The following CSF2RA variants were observed in gnomAD, a reference collection of about 807,000 sequenced individuals.
CSF2RA encodes the protein granulocyte-macrophage colony-stimulating factor receptor subunit alpha.
A neutral mutation model predicts 51.6 loss-of-function variants in CSF2RA; 42 were observed. The observed-to-expected ratio is 0.81, with a 90% confidence interval of 0.64 to 1.05. CSF2RA has a LOEUF of 1.05. Ranked by LOEUF, CSF2RA falls within the 50% of genes least tolerant of loss-of-function variation. The pLI, the probability that CSF2RA is intolerant of heterozygous loss-of-function variation, is 0.00. For synonymous variants in CSF2RA, 222 were observed against 193.0 expected, an observed-to-expected ratio of 1.15 and a Z score of -1.24; for missense variants, 530 against 501.1, an observed-to-expected ratio of 1.06 and a Z score of -0.55.
At chrX:1,319,714 G>GTTTTTTTTTTTTTTTTTTTT in the CSF2RA span, among the ~76,000 whole-genome samples, 1 of 121,316 alleles carries the variant, frequency 8.2e-6, no homozygotes. Flanking sequence ...CGCCTTTGCT[G>GTTTTTTTTTTTTTTTTTTTT]TTTTTTTTTT....
At chrX:1,294,165 G>A in intron 7 of CSF2RA, 163 bp from the exon 8 acceptor site, 2 of 847,576 alleles carry the variant, frequency 2.4e-6, no homozygotes, top group Non-Finnish European at 4.1e-6. Flanking sequence ...TAGTCAAAGA[G>A]GTGTCCCTAC....
At chrX:1,281,477 GCTCCTT>G (rs1409320225) in intron 2 of CSF2RA, among the ~76,000 whole-genome samples, 1 of 67,408 alleles carries the variant, frequency 1.5e-5, no homozygotes, top group African/African-American at 6.4e-5. Context: ...TTCTCCTCCT[GCTCCTT>G]CTCCTCCTCT....
chrX:1,271,938 A>G (rs1464307041), intron 1 of CSF2RA, among the ~76,000 whole-genome samples: 2 of 151,560 alleles, frequency 1.3e-5, no homozygotes, highest in African/African-American at 4.8e-5. Flanking sequence ...TAATAAGAGA[A>G]AAGACATGCA....
chrX:1,324,428 G>GA, the CSF2RA span, among the ~76,000 whole-genome samples: 2 of 114,918 alleles, frequency 1.7e-5, no homozygotes, highest in African/African-American at 5.7e-5. Flanking sequence ...GAAAAAGAAA[G>GA]AAGAGAGAGA....
chrX:1,307,824 AC>A (rs1368153587), intron 12 of CSF2RA, among the ~76,000 whole-genome samples: 78,521 of 114,000 alleles, frequency 0.69, 36,316 homozygotes, highest in East Asian at 0.75. Flanking sequence ...GATGAGGCCT[AC>A]CCTTCTCCCT....
chrX:1,299,883 A>G (rs1399445853), intron 9 of CSF2RA, among the ~76,000 whole-genome samples: 2 of 151,518 alleles, frequency 1.3e-5, no homozygotes, highest in African/African-American at 4.9e-5. Context: ...ATGCCATTGC[A>G]CTCCAGCCTG....
the CSF2RA span, among the ~76,000 whole-genome samples, chrX:1,317,503 G>A: frequency 9.3e-5 from 14 of 150,600 alleles, no homozygotes; most frequent in South Asian, 6.3e-4. Flanking sequence ...TGCCCGCCTC[G>A]GCCTCCCAAA....
chrX:1,288,101 C>T (rs1409581316), intron 4 of CSF2RA, among the ~76,000 whole-genome samples: 2 of 152,032 alleles, frequency 1.3e-5, no homozygotes, highest in Non-Finnish European at 2.9e-5. Flanking sequence ...AGCTGGTATT[C>T]AGCGTATCCA....
intron 2 of CSF2RA, among the ~76,000 whole-genome samples, chrX:1,275,552 T>TTTTATTTA (rs200223608): frequency 1.3e-3 from 202 of 151,494 alleles, no homozygotes; most frequent in African/African-American, 4.7e-3. Context: ...TTTTACTTTA[T>TTTTATTTA]TTTATTTATT....
chrX:1,300,355 C>A (rs1603432659), intron 9 of CSF2RA, 136 bp from the exon 10 acceptor site: 2 of 1,093,154 alleles, frequency 1.8e-6, no homozygotes, highest in African/African-American at 3.2e-5. Context: ...CAAGTGCATT[C>A]AGAGTGGTAG....
At chrX:1,308,071 A>G (rs776341871) in intron 12 of CSF2RA, among the ~76,000 whole-genome samples, 1 of 149,894 alleles carries the variant, frequency 6.7e-6, no homozygotes, top group South Asian at 2.1e-4. Flanking sequence ...GATGAGGCCC[A>G]CCCCCTTTAG....
At chrX:1,318,471 A>T in the CSF2RA span, among the ~76,000 whole-genome samples, 1 of 151,410 alleles carries the variant, frequency 6.6e-6, no homozygotes, top group Non-Finnish European at 1.5e-5. Context: ...CCGAAGCTGA[A>T]CTTTTGTCTC....
At chrX:1,281,013 CTCCTCCTCCTTCTCCTCCTCCTCA>C (rs2089931611) in intron 2 of CSF2RA, among the ~76,000 whole-genome samples, 1 of 106,132 alleles carries the variant, frequency 9.4e-6, no homozygotes, top group African/African-American at 3.1e-5. Context: ...CCTCCTTCTC[CTCCTCCTCCTTCTCCTCCTCCTCA>C]TTCTCCTCCT....
chrX:1,290,835 T>G (rs2091329958), intron 7 of CSF2RA, among the ~76,000 whole-genome samples: 1 of 152,114 alleles, frequency 6.6e-6, no homozygotes, highest in Non-Finnish European at 1.5e-5. Flanking sequence ...CACTCCAGCT[T>G]GAGCGACAGA....
chrX:1,313,914 C>T (rs1228895329), downstream of CSF2RA, among the ~76,000 whole-genome samples: 1 of 152,066 alleles, frequency 6.6e-6, no homozygotes, highest in Admixed American at 6.6e-5. Flanking sequence ...CCGCTTGAAC[C>T]TGGGAGGCAG....
In CSF2RA at chrX:1,290,335, A is replaced by G; in HGVS notation, c.474-2A>G. On this transcript the variant is annotated splice_acceptor_variant, in intron 6 of 12. Coordinates refer to ENST00000381529, the MANE Select transcript of CSF2RA (RefSeq NM_172245.4). LOFTEE classifies it high-confidence loss of function. ...CTCTCTGAGCACTTTCTAATCTTTC[A>G]GGAGAAGGAGGGAGATCCGGTGTCC... 1.2e-6 allele frequency: 2 copies of G among 1,612,256 alleles called. No individual in the cohort carries two copies. Among genetic ancestry groups the G allele is most frequent in the African/African-American group, 1.3e-5 (1 of 74,858 alleles).
At chrX:1,314,283 A>T (rs867060824), downstream of CSF2RA, among the ~76,000 whole-genome samples, 5 of 54,132 alleles carry the variant, frequency 9.2e-5, no homozygotes, top group African/African-American at 2.6e-4. Flanking sequence ...GCCCAACCCC[A>T]CTGCATCTGC....
In CSF2RA at chrX:1,300,674, C is replaced by T. The variant is rs755901746; in HGVS notation, c.946+48C>T. On this transcript the variant is annotated intron_variant, in intron 10 of 12. Transcript: ENST00000381529. ...GGATGTTTGTGCCGTCTGCGGCCAC[C>T]CTGCAGCAGGCACAGAGGTCAGGTG... 9 of 1,613,384 alleles carry T rather than the reference C, an allele frequency of 5.6e-6. No homozygotes were observed. The South Asian group carries it at 7.7e-5, about 14-fold the overall frequency.
chrX:1,273,382 G>T (rs57482368), intron 1 of CSF2RA, among the ~76,000 whole-genome samples: 1 of 151,944 alleles, frequency 6.6e-6, no homozygotes, highest in South Asian at 2.1e-4. Context: ...TGCAATCTTG[G>T]CTCCCTGCAA....
Sources: gnomAD v4.1 joint callset for allele counts (sites outside exome capture counted in the v4.1 genomes callset) on GRCh38, gnomAD v4.1.1 for gene constraint, MANE v1.5 for transcripts, NCBI Gene and HGNC (gene_info 2026-07-23, HGNC 2026-07-21) for gene names.